Variants in MBOAT1 observed in about 807,000 individuals in gnomAD.
MBOAT1 encodes membrane-bound glycerophospholipid O-acyltransferase 1.
In MBOAT1, 67 loss-of-function variants were observed where a neutral mutation model predicts 64.4. The ratio of observed to expected loss-of-function variants is 1.04; its 90% confidence interval spans 0.85 to 1.27. The LOEUF is 1.27. MBOAT1 is among the 50% of genes most tolerant of loss of function. The pLI, the probability that MBOAT1 is intolerant of heterozygous loss-of-function variation, is 0.00. For missense variants in MBOAT1, 563 were observed against 604.6 expected, an observed-to-expected ratio of 0.93 and a Z score of 0.72; for synonymous variants, 229 against 218.9, an observed-to-expected ratio of 1.05 and a Z score of -0.41.
intron 1 of MBOAT1, among the ~76,000 whole-genome samples, chr6:20,209,156 AG>A (rs1763349384): frequency 6.6e-6 from 1 of 152,208 alleles, no homozygotes; most frequent in African/African-American, 2.4e-5. Context: ...TCACTGGACA[AG>A]GGCCCATTAT....
At chr6:20,199,758 A>G (rs1212425142) in intron 1 of MBOAT1, among the ~76,000 whole-genome samples, 2 of 152,214 alleles carry the variant, frequency 1.3e-5, no homozygotes, top group Admixed American at 1.3e-4. Context: ...TCACAAGGTC[A>G]GGAGTTTGAG....
intron 1 of MBOAT1, among the ~76,000 whole-genome samples, chr6:20,168,499 G>GAC (rs1393967115): frequency 6.1e-4 from 64 of 104,580 alleles, no homozygotes; most frequent in African/African-American, 1.3e-3. Context: ...GACAGAGAGA[G>GAC]AGAGAGAGGA....
chr6:20,107,400 G>A (rs6921372), intron 12 of MBOAT1, among the ~76,000 whole-genome samples: 79,365 of 151,534 alleles, frequency 0.52, 22,182 homozygotes, highest in East Asian at 0.91. Context: ...TGCCCACCGC[G>A]CTCACACATA....
In MBOAT1 at chr6:20,212,365, G is replaced by A. The variant is rs898241332; in HGVS notation, c.-131C>T. The A allele has an allele frequency of 9.3e-6, 7 of 752,496 alleles. No individual in the cohort carries two copies. Among genetic ancestry groups the A allele is most frequent in the African/African-American group, 7.2e-5 (4 of 55,862 alleles). 46.6% of individuals were successfully genotyped at this position (752,496 alleles called of 1,614,324 possible). ...CCGCCTGGTTCGCGGGGGAGCGAAC[G>A]GGAGGCCGGGGAATGCGAACCGGCG... On this transcript the variant is annotated 5_prime_UTR_variant, in exon 1 of 13. Coordinates refer to ENST00000324607, the MANE Select transcript of MBOAT1 (RefSeq NM_001080480.3).
chr6:20,145,272 G>A (rs1761298185), intron 3 of MBOAT1, among the ~76,000 whole-genome samples: 1 of 152,176 alleles, frequency 6.6e-6, no homozygotes, highest in East Asian at 1.9e-4. Flanking sequence ...ACGGCAGTCT[G>A]TAACCCAGAA....
In MBOAT1 at chr6:20,124,460, T is replaced by C. The variant is rs750297850; in HGVS notation, c.855A>G (p.Leu285=). Residue 285 remains leucine (L), a synonymous_variant, in exon 8 of 13, where the codon TTA becomes TTG. Coordinates refer to ENST00000324607, the MANE Select transcript of MBOAT1 (RefSeq NM_001080480.3). ...GCTTTGAGGCTTGCATGACAACATA[T>C]AAGTAGCAGAGTCGAGCCGGAAAGC... ...KASFPARLCY[L]YVVMQASKPK... is the part of the protein sequence containing the mutation. 6.2e-6 allele frequency: 10 copies of C among 1,614,016 alleles called. No individual in the cohort carries two copies. The South Asian group carries it at 6.6e-5, about 11-fold the overall frequency.
intron 1 of MBOAT1, among the ~76,000 whole-genome samples, chr6:20,168,799 G>C (rs1378743884): frequency 2.6e-5 from 3 of 117,004 alleles, no homozygotes; most frequent in African/African-American, 9.6e-5. Context: ...AAGGGAAAAG[G>C]GGGGAGGGGA....
intron 1 of MBOAT1, among the ~76,000 whole-genome samples, chr6:20,156,131 C>T (rs1193579975): frequency 4.6e-5 from 7 of 151,850 alleles, no homozygotes; most frequent in African/African-American, 9.7e-5. Flanking sequence ...ATTAGCCGGG[C>T]GTGGTGGTGG....
At chr6:20,188,607 C>T (rs1762719513) in intron 1 of MBOAT1, among the ~76,000 whole-genome samples, 2 of 152,092 alleles carry the variant, frequency 1.3e-5, no homozygotes, top group Admixed American at 1.3e-4. Flanking sequence ...GAATGCAAAG[C>T]CTTTTATAAG....
chr6:20,130,394 C>T (rs890905548), intron 5 of MBOAT1, among the ~76,000 whole-genome samples: 4 of 152,108 alleles, frequency 2.6e-5, no homozygotes, highest in African/African-American at 9.7e-5. Flanking sequence ...CGCTCTGTCA[C>T]CCAGGCTGGA....
intron 1 of MBOAT1, 132 bp from the exon 2 acceptor site, chr6:20,152,901 C>G (rs933862946): frequency 2.2e-6 from 2 of 909,282 alleles, no homozygotes; most frequent in Non-Finnish European, 3.1e-6. Context: ...GGCGCAAACT[C>G]GGCTCACTGC....
Position 20,169,467 on chromosome 6 carries a change from A to G in MBOAT1, c.100-16698T>C, listed in dbSNP as rs80130122. On this transcript the variant is annotated intron_variant, in intron 1 of 12. Transcript: ENST00000324607. ...GCAATGTGGGACTGACGAAATAGGA[A>G]TATCTGTGATTCTGCCTGGTCCCTA... is the stretch of plus-strand genomic sequence containing the variant. 5.0e-3 allele frequency among the ~76,000 whole-genome samples: 769 copies of G among 152,278 alleles called. 3 individuals are homozygous for G. Among genetic ancestry groups the G allele is most frequent in the Middle Eastern group, 0.014 (4 of 294 alleles).
At chr6:20,109,963 G>A (rs577742953) in intron 11 of MBOAT1, among the ~76,000 whole-genome samples, 7 of 142,652 alleles carry the variant, frequency 4.9e-5, no homozygotes, top group South Asian at 4.5e-4. Flanking sequence ...AGGCTGGAGT[G>A]CAGTGGCGCA....
chr6:20,196,453 G>A (rs1025441333), intron 1 of MBOAT1, among the ~76,000 whole-genome samples: 2 of 152,156 alleles, frequency 1.3e-5, no homozygotes, highest in Admixed American at 6.5e-5. Context: ...AGGGGGGATA[G>A]GGAGGCAGAA....
chr6:20,174,182 A>C (rs557565146), intron 1 of MBOAT1, among the ~76,000 whole-genome samples: 28 of 152,322 alleles, frequency 1.8e-4, no homozygotes, highest in South Asian at 1.7e-3. Flanking sequence ...GCGGTTCATT[A>C]CTTTGGATTC....
At chr6:20,187,998 G>C (rs1336111258) in intron 1 of MBOAT1, among the ~76,000 whole-genome samples, 1 of 152,104 alleles carries the variant, frequency 6.6e-6, no homozygotes, top group African/African-American at 2.4e-5. Context: ...AAAAAAGAGA[G>C]AGAAGAACTG....
chr6:20,137,979 A>T (rs1048709905), intron 4 of MBOAT1, among the ~76,000 whole-genome samples: 1 of 152,242 alleles, frequency 6.6e-6, no homozygotes, highest in Non-Finnish European at 1.5e-5. Flanking sequence ...AATCAATTCC[A>T]TTCTGATGAA....
chr6:20,187,099 G>A (rs1247814737), intron 1 of MBOAT1, among the ~76,000 whole-genome samples: 1 of 152,174 alleles, frequency 6.6e-6, no homozygotes, highest in Non-Finnish European at 1.5e-5. Context: ...CATGAGACAG[G>A]ATTCCTAAAC....
intron 1 of MBOAT1, among the ~76,000 whole-genome samples, chr6:20,192,828 G>A (rs1462800328): frequency 6.6e-6 from 1 of 151,818 alleles, no homozygotes; most frequent in African/African-American, 2.4e-5. Context: ...AATAAATACT[G>A]GCTCCAGGCC....
Sources: gnomAD v4.1 joint callset for allele counts (sites outside exome capture counted in the v4.1 genomes callset) on GRCh38, gnomAD v4.1.1 for gene constraint, MANE v1.5 for transcripts, NCBI Gene and HGNC (gene_info 2026-07-23, HGNC 2026-07-21) for gene names.